DCC: variants seen among roughly 807,000 people sequenced by gnomAD.
The protein encoded by DCC is DCC netrin 1 receptor.
In DCC, 58 loss-of-function variants were observed where a neutral mutation model predicts 172.5. The observed-to-expected ratio is 0.34, with a 90% CI of 0.27 to 0.42. The LOEUF (loss-of-function observed/expected upper bound fraction) is 0.42. Among genes scored for constraint, DCC ranks in the 10% least tolerant of loss-of-function variants. The pLI, the probability that DCC is intolerant of heterozygous loss-of-function variation, is 1.00. For synonymous variants in DCC, 709 were observed against 644.5 expected (o/e 1.10, Z -1.52); for missense variants, 1,740 against 1,791.0 (o/e 0.97, Z 0.51).
At chr18:53,424,791 C>G (rs937945902) in intron 21 of DCC, among the ~76,000 whole-genome samples, 1 of 152,186 alleles carries the variant, frequency 6.6e-6, no homozygotes, top group Non-Finnish European at 1.5e-5. Context: ...TCATGCCTAC[C>G]TTTGCAGAGT....
At chr18:52,667,540 G>T (rs995758589) in intron 1 of DCC, among the ~76,000 whole-genome samples, 1 of 152,144 alleles carries the variant, frequency 6.6e-6, no homozygotes, top group Non-Finnish European at 1.5e-5. Flanking sequence ...AGCTATCTTA[G>T]AATCCCACTC....
chr18:52,910,867 T>G (rs975044831), intron 3 of DCC, among the ~76,000 whole-genome samples: 12 of 152,126 alleles, frequency 7.9e-5, no homozygotes, highest in Non-Finnish European at 1.3e-4. Flanking sequence ...TTTAAAGAAA[T>G]AAATTGGACT....
chr18:53,099,764 G>A (rs1283918072), intron 7 of DCC, among the ~76,000 whole-genome samples: 1 of 151,914 alleles, frequency 6.6e-6, no homozygotes, highest in African/African-American at 2.4e-5. Flanking sequence ...AGATAATAAA[G>A]GTAAATTCTA....
intron 7 of DCC, among the ~76,000 whole-genome samples, chr18:53,142,700 G>A (rs1371221193): frequency 3.3e-5 from 5 of 152,124 alleles, no homozygotes; most frequent in Admixed American, 6.5e-5. Flanking sequence ...CACTGCTAAC[G>A]TCTCACATGA....
At chr18:53,117,519 T>C (rs147117030) in intron 7 of DCC, among the ~76,000 whole-genome samples, 78 of 151,880 alleles carry the variant, frequency 5.1e-4, no homozygotes, top group African/African-American at 1.8e-3. Context: ...TTGTTGAATT[T>C]GTATTGCTGT....
intron 1 of DCC, among the ~76,000 whole-genome samples, chr18:52,405,828 G>T (rs1345460553): frequency 6.6e-6 from 1 of 151,036 alleles, no homozygotes; most frequent in African/African-American, 2.4e-5. Context: ...CTACTTTAAA[G>T]TTCATATGGA....
rs1346068503 is a variant in DCC at position 52,956,918 on chromosome 18, C to G, written c.985+31548C>G. On this transcript the variant is annotated intron_variant, in intron 5 of 28. Coordinates refer to ENST00000442544, the MANE Select transcript of DCC (RefSeq NM_005215.4). ...GACTTCAATGAAACAGGCAGGTACACTTTTTCCAGTTGAGTTCAATTTGTC... is the reference window on the plus strand; with the variant it reads ...GACTTCAATGAAACAGGCAGGTACAGTTTTTCCAGTTGAGTTCAATTTGTC... Among the ~76,000 whole-genome samples the G allele has an allele frequency of 2.6e-5, 4 of 152,094 alleles. No homozygotes were observed. In the East Asian group the frequency reaches 7.7e-4, roughly 29 times the overall value.
At chr18:53,314,013 G>A (rs887323723) in intron 13 of DCC, among the ~76,000 whole-genome samples, 5 of 152,162 alleles carry the variant, frequency 3.3e-5, no homozygotes, top group South Asian at 2.1e-4. Context: ...TCTATGAAAC[G>A]CTTGATTTTA....
chr18:53,274,710 T>C (rs1319486832), intron 12 of DCC, among the ~76,000 whole-genome samples: 2 of 152,162 alleles, frequency 1.3e-5, no homozygotes, highest in Admixed American at 1.3e-4. Flanking sequence ...TTCTTGGTTT[T>C]ATTCAGAAAC....
chr18:52,848,081 AAT>A (rs1491445530), intron 2 of DCC, among the ~76,000 whole-genome samples: 6 of 122,444 alleles, frequency 4.9e-5, no homozygotes, highest in Non-Finnish European at 1.0e-4. Context: ...TGACTTTTCT[AAT>A]TTTTTTTTTT....
At chr18:52,969,366 C>T (rs543053553) in intron 5 of DCC, among the ~76,000 whole-genome samples, 10 of 152,204 alleles carry the variant, frequency 6.6e-5, no homozygotes, top group African/African-American at 2.4e-4. Context: ...TAGCAAATAA[C>T]ACTACCACCA....
chr18:53,471,995 C>G (rs2045702555), intron 25 of DCC, among the ~76,000 whole-genome samples: 1 of 152,150 alleles, frequency 6.6e-6, no homozygotes. Context: ...CCCAGAACAG[C>G]ACCTGGCACA....
At chr18:53,302,083 T>C (rs1374325245) in intron 12 of DCC, among the ~76,000 whole-genome samples, 1 of 152,210 alleles carries the variant, frequency 6.6e-6, no homozygotes, top group East Asian at 1.9e-4. Context: ...TCTGTGCATA[T>C]CTGTGTCCTT....
intron 26 of DCC, among the ~76,000 whole-genome samples, chr18:53,494,926 G>A (rs1422728269): frequency 2.6e-5 from 4 of 152,146 alleles, no homozygotes; most frequent in Admixed American, 2.6e-4. Context: ...GTATGTTTTT[G>A]CAGTGGCTAG....
chr18:53,329,191 A>G (rs2057503426), intron 14 of DCC, among the ~76,000 whole-genome samples: 1 of 152,334 alleles, frequency 6.6e-6, no homozygotes, highest in Middle Eastern at 3.4e-3. Flanking sequence ...CTAAAACATT[A>G]TGCCAAATGG....
At chr18:52,599,471 C>T (rs180959264) in intron 1 of DCC, among the ~76,000 whole-genome samples, 104 of 152,166 alleles carry the variant, frequency 6.8e-4, no homozygotes, top group African/African-American at 2.4e-3. Flanking sequence ...TTAAATTTCA[C>T]AGATTTTTCA....
chr18:53,116,316 C>G (rs183735059), intron 7 of DCC, among the ~76,000 whole-genome samples: 1 of 151,656 alleles, frequency 6.6e-6, no homozygotes, highest in Non-Finnish European at 1.5e-5. Context: ...TTTAAATACC[C>G]CCTAGAGGAT....
At chr18:52,521,622 T>A (rs978881832) in intron 1 of DCC, among the ~76,000 whole-genome samples, 1 of 152,100 alleles carries the variant, frequency 6.6e-6, no homozygotes, top group Non-Finnish European at 1.5e-5. Flanking sequence ...ACAAAGGCCT[T>A]AGGACTCTGC....
chr18:52,784,549 A>G (rs967862142), intron 2 of DCC, among the ~76,000 whole-genome samples: 2 of 151,868 alleles, frequency 1.3e-5, no homozygotes, highest in African/African-American at 4.8e-5. Flanking sequence ...TACGGGTTCA[A>G]TTTTTCTCTA....
Sources: gnomAD v4.1 joint callset for allele counts (sites outside exome capture counted in the v4.1 genomes callset) on GRCh38, gnomAD v4.1.1 for gene constraint, MANE v1.5 for transcripts, NCBI Gene and HGNC (gene_info 2026-07-23, HGNC 2026-07-21) for gene names.